The following PHACTR1 variants were observed in gnomAD, a reference collection of about 807,000 sequenced individuals.
PHACTR1 encodes RPEL repeat containing 1.
In PHACTR1, 16 loss-of-function variants were observed where a neutral mutation model predicts 69.2. The ratio of observed to expected loss-of-function variants is 0.23; its 90% CI spans 0.16 to 0.35. The LOEUF (loss-of-function observed/expected upper bound fraction) is 0.35. Among genes scored for constraint, PHACTR1 ranks in the 10% least tolerant of loss-of-function variants. The pLI is 1.00. For missense variants in PHACTR1, 510 were observed against 734.7 expected, an observed-to-expected ratio of 0.69 and a Z score of 3.54; for synonymous variants, 312 against 284.5, an observed-to-expected ratio of 1.10 and a Z score of -0.97.
intron 4 of PHACTR1, among the ~76,000 whole-genome samples, chr6:12,940,033 G>A (rs949959104): frequency 3.3e-5 from 5 of 152,200 alleles, no homozygotes; most frequent in African/African-American, 1.2e-4. Flanking sequence ...GAGAGAAGCT[G>A]TAATAAGAGA....
chr6:12,957,288 A>C, intron 4 of PHACTR1: 8 of 362,226 alleles, frequency 2.2e-5, no homozygotes, highest in Non-Finnish European at 2.7e-5. Context: ...CCAGGCTGTG[A>C]GTTCCAGACT....
intron 10 of PHACTR1, among the ~76,000 whole-genome samples, chr6:13,233,595 T>C (rs1771556633): frequency 6.6e-6 from 1 of 152,118 alleles, no homozygotes; most frequent in South Asian, 2.1e-4. Flanking sequence ...GCCAGATGCT[T>C]ATAAAACCAT....
At chr6:13,146,665 C>T (rs924199217) in intron 5 of PHACTR1, among the ~76,000 whole-genome samples, 2 of 152,184 alleles carry the variant, frequency 1.3e-5, no homozygotes, top group African/African-American at 2.4e-5. Context: ...GATATTAAGC[C>T]GTTCTGGGCA....
chr6:12,746,848 G>C (rs1765842818), intron 3 of PHACTR1, among the ~76,000 whole-genome samples: 1 of 152,178 alleles, frequency 6.6e-6, no homozygotes, highest in African/African-American at 2.4e-5. Context: ...AATGAGAATA[G>C]AAAGGAATGG....
At chr6:12,820,489 T>A (rs1008856071) in intron 4 of PHACTR1, among the ~76,000 whole-genome samples, 2 of 152,162 alleles carry the variant, frequency 1.3e-5, no homozygotes, top group Non-Finnish European at 2.9e-5. Context: ...CAACTAGTGT[T>A]TCTAATGGTC....
intron 10 of PHACTR1, among the ~76,000 whole-genome samples, chr6:13,257,258 C>T (rs1775309474): frequency 6.6e-6 from 1 of 152,192 alleles, no homozygotes; most frequent in Admixed American, 6.5e-5. Flanking sequence ...ATCAGGAGAA[C>T]AGCACCAAGG....
At chr6:12,862,479 A>C (rs1262511603) in intron 4 of PHACTR1, among the ~76,000 whole-genome samples, 2 of 152,166 alleles carry the variant, frequency 1.3e-5, no homozygotes. Flanking sequence ...ACCGGCATAC[A>C]CTGGGGGATG....
At chr6:12,744,432 C>G (rs989490115) in intron 3 of PHACTR1, among the ~76,000 whole-genome samples, 1 of 152,164 alleles carries the variant, frequency 6.6e-6, no homozygotes, top group Non-Finnish European at 1.5e-5. Context: ...CACAGGAGTA[C>G]ACTTTACTCA....
intron 4 of PHACTR1, among the ~76,000 whole-genome samples, chr6:12,887,091 C>A (rs894936716): frequency 2.0e-5 from 3 of 152,144 alleles, no homozygotes; most frequent in African/African-American, 7.2e-5. Flanking sequence ...CTTTCCCAGC[C>A]AGCCATGTGC....
chr6:13,003,962 T>TATATATATATATATATATATATATATAC (rs1798434611), intron 4 of PHACTR1, among the ~76,000 whole-genome samples: 1 of 105,880 alleles, frequency 9.4e-6, no homozygotes, highest in African/African-American at 5.7e-5. Flanking sequence ...TATATATATA[T>TATATATATATATATATATATATATATAC]ATGTATATAT....
At chr6:13,119,681 G>A (rs1303412751) in intron 5 of PHACTR1, among the ~76,000 whole-genome samples, 1 of 152,216 alleles carries the variant, frequency 6.6e-6, no homozygotes, top group Non-Finnish European at 1.5e-5. Context: ...GGTCATCCCT[G>A]AAGGGCAGGG....
At chr6:13,253,598 G>A (rs1023369400) in intron 10 of PHACTR1, among the ~76,000 whole-genome samples, 2 of 152,186 alleles carry the variant, frequency 1.3e-5, no homozygotes, top group Non-Finnish European at 2.9e-5. Flanking sequence ...AGGACAATAA[G>A]TACAGTGATA....
chr6:12,746,473 G>A (rs1440145272), intron 3 of PHACTR1, among the ~76,000 whole-genome samples: 1 of 152,202 alleles, frequency 6.6e-6, no homozygotes, highest in Non-Finnish European at 1.5e-5. Flanking sequence ...GGGAGGTGGA[G>A]GCTGCAGTGA....
At chr6:13,059,977 G>A (rs1807435712) in intron 5 of PHACTR1, among the ~76,000 whole-genome samples, 1 of 152,188 alleles carries the variant, frequency 6.6e-6, no homozygotes. Context: ...GCCAAGGACA[G>A]TCTTCTAGAT....
At chr6:12,955,345 C>G (rs1791773445) in intron 4 of PHACTR1, among the ~76,000 whole-genome samples, 1 of 151,780 alleles carries the variant, frequency 6.6e-6, no homozygotes, top group South Asian at 2.1e-4. Context: ...ATTACAGGTG[C>G]ACACAACCAG....
intron 7 of PHACTR1, among the ~76,000 whole-genome samples, chr6:13,190,353 G>A (rs1042206575): frequency 4.4e-4 from 67 of 151,858 alleles, no homozygotes; most frequent in African/African-American, 1.3e-3. Flanking sequence ...CTTCTTATAA[G>A]GACATTAATC....
At chr6:13,063,375 T>C (rs1171435661) in intron 5 of PHACTR1, among the ~76,000 whole-genome samples, 1 of 152,154 alleles carries the variant, frequency 6.6e-6, no homozygotes, top group Non-Finnish European at 1.5e-5. Context: ...GAAAGGGATG[T>C]TTAACCAAGG....
chr6:12,760,097 G>A (rs965759833), intron 4 of PHACTR1, among the ~76,000 whole-genome samples: 1 of 152,184 alleles, frequency 6.6e-6, no homozygotes, highest in Non-Finnish European at 1.5e-5. Flanking sequence ...TGGAGAATGA[G>A]GTCCATTATG....
intron 4 of PHACTR1, among the ~76,000 whole-genome samples, chr6:12,865,478 G>A (rs1240143161): frequency 1.3e-5 from 2 of 151,850 alleles, no homozygotes; most frequent in Non-Finnish European, 2.9e-5. Context: ...GTGTGTGTGT[G>A]TGCCTGCGTG....
Sources: allele counts gnomAD v4.1 joint callset (sites outside exome capture counted in the v4.1 genomes callset), GRCh38; gene constraint gnomAD v4.1.1; transcripts MANE v1.5; gene names NCBI Gene and HGNC (gene_info 2026-07-23, HGNC 2026-07-21).